The following SESN3 variants were observed in gnomAD, a reference collection of about 807,000 sequenced individuals.
SESN3 encodes sestrin 3.
A neutral mutation model predicts 55.3 loss-of-function variants in SESN3; 21 were observed. The observed-to-expected ratio is 0.38, with a 90% confidence interval of 0.27 to 0.55. The LOEUF (loss-of-function observed/expected upper bound fraction) is 0.55. Among genes scored for constraint, SESN3 ranks in the 20% least tolerant of loss-of-function variants. The probability of loss-of-function intolerance (pLI) is 0.76; values close to 1 mark genes in which losing one functional copy is unlikely to be tolerated. For synonymous variants in SESN3, 181 were observed against 203.1 expected (o/e 0.89, Z 0.93); for missense variants, 408 against 604.3 (o/e 0.68, Z 3.41).
At chr11:95,223,280 C>T (rs1158680346) in intron 1 of SESN3, among the ~76,000 whole-genome samples, 1 of 152,036 alleles carries the variant, frequency 6.6e-6, no homozygotes, top group Non-Finnish European at 1.5e-5. Context: ...ATTAATAGTT[C>T]TGTCTCTTCT....
chr11:95,199,897 G>A lies in SESN3; in HGVS notation c.79-6375C>T, dbSNP rs568385089. Among the ~76,000 whole-genome samples, 5 of 151,722 alleles carry A rather than the reference G, an allele frequency of 3.3e-5. 1 individual carries two copies. The highest frequency in any genetic ancestry group is 2.0e-4 in the Admixed American group (3 of 15,228). ...TCAACATATAAAACATTCTGGTAAA[G>A]TAAAATTTAACTCCACAGAGAACAC... On this transcript the variant is annotated intron_variant, in intron 1 of 9. Coordinates refer to ENST00000536441, the MANE Select transcript of SESN3 (RefSeq NM_144665.4).
chr11:95,232,068 T>C (rs1476811423), upstream of SESN3: 1 of 152,288 alleles, frequency 6.6e-6, no homozygotes, highest in Non-Finnish European at 1.5e-5. Flanking sequence ...CTGAGGCAGC[T>C]GTTCGGATAC....
chr11:95,198,155 C>G (rs944412169), intron 1 of SESN3, among the ~76,000 whole-genome samples: 7 of 152,058 alleles, frequency 4.6e-5, no homozygotes, highest in Non-Finnish European at 7.4e-5. Context: ...CTTTCCACAC[C>G]CCCTACTCAG....
chr11:95,224,379 C>A, intron 1 of SESN3: 1 of 380,434 alleles, frequency 2.6e-6, no homozygotes, highest in Admixed American at 3.9e-5. Flanking sequence ...CAAAATGATC[C>A]TGAAAACTAG....
chr11:95,230,912 T>C lies in SESN3; in HGVS notation c.-52A>G, dbSNP rs1174915047. 8.3e-6 allele frequency: 11 copies of C among 1,324,234 alleles called. No individual in the cohort carries two copies. Among genetic ancestry groups the C allele is most frequent in the Non-Finnish European group, 1.0e-5 (10 of 992,654 alleles). The allele number at this position is 1,324,234 out of a possible 1,614,324, so 82.0% of individuals were successfully genotyped here. A position where few individuals can be genotyped will look rare whatever the true frequency, so the allele number is the denominator to read the frequency against. Reference sequence around the variant, plus strand: ...CGGGCGGAGGGCCGGGTCCGGGCTGTCACTGCGGCCACTGCAGGGCCGGTC... The same window carrying C: ...CGGGCGGAGGGCCGGGTCCGGGCTGCCACTGCGGCCACTGCAGGGCCGGTC... On this transcript the variant is annotated 5_prime_UTR_variant, in exon 1 of 10. Coordinates refer to ENST00000536441, the MANE Select transcript of SESN3 (RefSeq NM_144665.4). The surrounding 1 kb of genome is among the most constrained non-coding windows in gnomAD (Gnocchi z 4.6).
chr11:95,218,645 C>A (rs7129411), intron 1 of SESN3, among the ~76,000 whole-genome samples: 1 of 146,454 alleles, frequency 6.8e-6, no homozygotes, highest in Admixed American at 7.0e-5. Flanking sequence ...TAGATTTACC[C>A]TCTTTTTTTT....
At chr11:95,211,142 G>A (rs970632318) in intron 1 of SESN3, among the ~76,000 whole-genome samples, 13 of 152,172 alleles carry the variant, frequency 8.5e-5, no homozygotes, top group African/African-American at 3.1e-4. Context: ...ATGTAAACAA[G>A]CCAATCATAG....
At chr11:95,185,108 G>T in intron 5 of SESN3, 148 bp downstream of exon 5, 1 of 565,596 alleles carries the variant, frequency 1.8e-6, no homozygotes, top group Non-Finnish European at 3.1e-6. Flanking sequence ...AGAACTTCAG[G>T]TACCAAATTT....
chr11:95,227,698 C>T (rs999935288), intron 1 of SESN3, among the ~76,000 whole-genome samples: 1 of 152,194 alleles, frequency 6.6e-6, no homozygotes, highest in African/African-American at 2.4e-5. Flanking sequence ...TTAAGTAGCA[C>T]TAACTGCTCA....
chr11:95,216,359 G>C (rs113892393), intron 1 of SESN3, among the ~76,000 whole-genome samples: 1 of 152,126 alleles, frequency 6.6e-6, no homozygotes, highest in East Asian at 1.9e-4. Context: ...GGTTAGGACT[G>C]CTAGAGGACA....
Position 95,165,956 on chromosome 11 carries a change from C to T in SESN3, c.*7299G>A, listed in dbSNP as rs1591036472. On this transcript the variant is annotated 3_prime_UTR_variant, in exon 10 of 10. Transcript: ENST00000536441. Reference sequence around the variant, plus strand: ...ATGGGTTCTAGAACCTTCTTAACTGCTGATTCATGTGGAGGGCATTAAGAG... The same window carrying T: ...ATGGGTTCTAGAACCTTCTTAACTGTTGATTCATGTGGAGGGCATTAAGAG... 6.6e-6 allele frequency: 1 copy of T among 152,244 alleles called. No individual in the cohort carries two copies. The highest frequency in any genetic ancestry group is 2.1e-4 in the South Asian group (1 of 4,828). The allele number at this position is 152,244 out of a possible 1,614,324, so 9.4% of individuals were successfully genotyped here.
At chr11:95,179,191 G>C (rs933231844) in intron 6 of SESN3, among the ~76,000 whole-genome samples, 29 of 150,598 alleles carry the variant, frequency 1.9e-4, no homozygotes, top group African/African-American at 6.9e-4. Context: ...GTCTTGCTCT[G>C]TCGCCCTGGC....
At chr11:95,226,814 C>T (rs1860955776) in intron 1 of SESN3, among the ~76,000 whole-genome samples, 2 of 152,136 alleles carry the variant, frequency 1.3e-5, no homozygotes, top group African/African-American at 2.4e-5. Context: ...TGGGGGTACC[C>T]ATATTTTTAA....
intron 7 of SESN3, 35 bp downstream of exon 7, chr11:95,178,675 T>C (rs1484668467): frequency 1.6e-6 from 2 of 1,220,136 alleles, no homozygotes; most frequent in South Asian, 1.2e-5. Flanking sequence ...AATGACAGTA[T>C]GTTCTAGTTT....
At chr11:95,213,148 T>TA (rs55801322) in intron 1 of SESN3, among the ~76,000 whole-genome samples, 40,350 of 151,078 alleles carry the variant, frequency 0.27, 6,069 homozygotes, top group Non-Finnish European at 0.33. Flanking sequence ...TCCTAAAAAA[T>TA]AAAAAAAAAC....
At chr11:95,187,005 A>G (rs1029303643) in intron 4 of SESN3, among the ~76,000 whole-genome samples, 3 of 151,554 alleles carry the variant, frequency 2.0e-5, no homozygotes, top group Admixed American at 6.6e-5. Flanking sequence ...ACATATCTAT[A>G]TTTTTCTGAT....
Position 95,231,050 on chromosome 11 carries a change from G to A in SESN3, c.-190C>T. The A allele has an allele frequency of 2.4e-6, 1 of 409,886 alleles. No homozygotes were observed. Among genetic ancestry groups the A allele is most frequent in the Non-Finnish European group, 4.3e-6 (1 of 233,194 alleles). 25.4% of individuals were successfully genotyped at this position (409,886 alleles called of 1,614,324 possible). On this transcript the variant is annotated 5_prime_UTR_variant, in exon 1 of 10. Transcript: ENST00000536441. ...ACTGCCAGAGGCGACCACCGCGGCA[G>A]CTGCCCCAGCGACGGCGGAGACGGC...
chr11:95,177,495 C>A (rs1312699578), intron 8 of SESN3, among the ~76,000 whole-genome samples: 3 of 152,104 alleles, frequency 2.0e-5, no homozygotes, highest in Admixed American at 1.3e-4. Context: ...ATGCTTTTTT[C>A]CCTCAGTAAA....
intron 1 of SESN3, among the ~76,000 whole-genome samples, chr11:95,221,655 G>A (rs1193268986): frequency 6.6e-6 from 1 of 152,012 alleles, no homozygotes; most frequent in South Asian, 2.1e-4. Context: ...TTTAATTTTT[G>A]GTCATATTTA....
Sources: gnomAD v4.1 joint callset for allele counts (sites outside exome capture counted in the v4.1 genomes callset) on GRCh38, gnomAD v4.1.1 for gene constraint, Gnocchi (gnomAD v3.1) non-coding constraint, MANE v1.5 for transcripts, NCBI Gene and HGNC (gene_info 2026-07-23, HGNC 2026-07-21) for gene names.